HMCN1: variants seen among roughly 807,000 people sequenced by gnomAD.
HMCN1 encodes the protein hemicentin 1, also known as hemicentin-1.
Under a neutral mutation model 625.9 loss-of-function variants are expected in HMCN1, and 321 were observed. That is an observed-to-expected ratio of 0.51 (90% CI 0.47 to 0.56). The LOEUF is 0.56. HMCN1 is among the 20% of genes least tolerant of loss of function. HMCN1 has a pLI of 0.00. For synonymous variants in HMCN1, 2,425 were observed against 2,417.6 expected, an observed-to-expected ratio of 1.00 and a Z score of -0.09; for missense variants, 6,588 against 6,887.3, an observed-to-expected ratio of 0.96 and a Z score of 1.54.
intron 10 of HMCN1, among the ~76,000 whole-genome samples, chr1:185,930,564 A>G (rs1166069752): frequency 2.6e-5 from 4 of 152,196 alleles, no homozygotes; most frequent in Non-Finnish European, 5.9e-5. Flanking sequence ...ATTTTATTTT[A>G]TAAAGTCAAG....
chr1:185,825,872 TA>T (rs1309023107), intron 1 of HMCN1, among the ~76,000 whole-genome samples: 2 of 152,184 alleles, frequency 1.3e-5, no homozygotes, highest in Non-Finnish European at 2.9e-5. Flanking sequence ...ACTAGTGGTT[TA>T]AAAAAGTATT....
intron 1 of HMCN1, among the ~76,000 whole-genome samples, chr1:185,807,775 A>G (rs78199955): frequency 0.05 from 7,648 of 152,176 alleles, 595 homozygotes; most frequent in African/African-American, 0.17. Flanking sequence ...GTCTTTTATG[A>G]TAATACTTTT....
chr1:186,176,730 C>T (rs1652603837), intron 103 of HMCN1: 1 of 152,138 alleles, frequency 6.6e-6, no homozygotes, highest in African/African-American at 2.4e-5. Flanking sequence ...TAGTGATAAG[C>T]ACTTTAAGGA....
intron 55 of HMCN1, among the ~76,000 whole-genome samples, chr1:186,078,817 T>G (rs1658986606): frequency 1.3e-5 from 2 of 152,186 alleles, no homozygotes; most frequent in Admixed American, 1.3e-4. Flanking sequence ...TGTCCAACCT[T>G]GAACCAAATC....
intron 46 of HMCN1, among the ~76,000 whole-genome samples, chr1:186,061,360 T>C (rs994771603): frequency 2.4e-4 from 36 of 152,094 alleles, no homozygotes; most frequent in East Asian, 7.7e-4. Flanking sequence ...TCAGATCTTA[T>C]GGCAACTCAC....
At chr1:185,739,873 G>A (rs1035762669) in intron 1 of HMCN1, among the ~76,000 whole-genome samples, 10 of 152,076 alleles carry the variant, frequency 6.6e-5, no homozygotes, top group African/African-American at 4.8e-5. Flanking sequence ...TTTTAAATTC[G>A]GTCATTAGGG....
intron 1 of HMCN1, among the ~76,000 whole-genome samples, chr1:185,795,686 C>T (rs1003725114): frequency 1.3e-5 from 2 of 152,198 alleles, no homozygotes; most frequent in Non-Finnish European, 2.9e-5. Context: ...TTCTAACCTC[C>T]GGAATGCTAG....
intron 1 of HMCN1, among the ~76,000 whole-genome samples, chr1:185,738,432 T>A (rs4596837): frequency 0.24 from 36,556 of 152,154 alleles, 4,689 homozygotes; most frequent in Non-Finnish European, 0.29. Context: ...CATGACTGGC[T>A]TCTTTCACTT....
chr1:186,184,814 A>G (rs1653179531), intron 105 of HMCN1, among the ~76,000 whole-genome samples: 1 of 152,200 alleles, frequency 6.6e-6, no homozygotes, highest in South Asian at 2.1e-4. Flanking sequence ...TCTTGTAGCA[A>G]TATTTATGTT....
In HMCN1 at chr1:186,110,542, G is replaced by A. The variant is rs531363625; in HGVS notation, c.10989+1945G>A. 2.6e-5 allele frequency among the ~76,000 whole-genome samples: 4 copies of A among 152,334 alleles called. No homozygotes were observed. In the East Asian group the frequency reaches 7.7e-4, roughly 29 times the overall value. On this transcript the variant is annotated intron_variant, in intron 71 of 106. Transcript: ENST00000271588. Reference sequence around the variant, plus strand: ...GACCTGAGGAATGGTTCTTCAAAGAGTGATCAAAGTAGAAGGCAGGTTACA... The same window carrying A: ...GACCTGAGGAATGGTTCTTCAAAGAATGATCAAAGTAGAAGGCAGGTTACA...
intron 1 of HMCN1, among the ~76,000 whole-genome samples, chr1:185,815,159 C>G (rs531152995): frequency 6.7e-6 from 1 of 150,246 alleles, no homozygotes; most frequent in Non-Finnish European, 1.5e-5. Context: ...GTGGATCACT[C>G]AAATATACTA....
chr1:186,182,097 G>T (rs1214699082), intron 104 of HMCN1, 71 bp from the exon 105 acceptor site: 8 of 1,565,660 alleles, frequency 5.1e-6, no homozygotes, highest in Non-Finnish European at 7.0e-6. Context: ...ACAACTTGAT[G>T]AGAGTTGGCT....
chr1:186,152,945 A>G, intron 96 of HMCN1, 74 bp downstream of exon 96: 3 of 1,566,566 alleles, frequency 1.9e-6, no homozygotes, highest in Non-Finnish European at 2.6e-6. Flanking sequence ...GAATGAGCAC[A>G]GATAACTTGT....
intron 1 of HMCN1, among the ~76,000 whole-genome samples, chr1:185,804,083 C>T (rs1452384756): frequency 6.6e-6 from 1 of 151,934 alleles, no homozygotes; most frequent in African/African-American, 2.4e-5. Context: ...CTAAATCAAC[C>T]ATTACAAAGA....
chr1:186,077,422 C>T lies in HMCN1; in HGVS notation c.8486-685C>T, dbSNP rs538008981. Among the ~76,000 whole-genome samples, 2 of 151,856 alleles carry T rather than the reference C, an allele frequency of 1.3e-5. 1 individual carries two copies. The highest frequency in any genetic ancestry group is 4.2e-4 in the South Asian group (2 of 4,816). ...TTTTCTGTTTTTAATCATTGTAACA[C>T]GGTTATATAAGGGATTATCCTTGTT... On this transcript the variant is annotated intron_variant, in intron 54 of 106. Coordinates refer to ENST00000271588, the MANE Select transcript of HMCN1 (RefSeq NM_031935.3).
In HMCN1 at chr1:186,114,078, T is replaced by A. The variant is rs149594098; in HGVS notation, c.11231T>A (p.Ile3744Lys). 48 of 1,613,930 alleles carry A rather than the reference T, an allele frequency of 3.0e-5. No individual in the cohort carries two copies. The African/African-American group carries it at 5.6e-4, about 19-fold the overall frequency. The change falls in exon 73 of 107, where the codon ATA (isoleucine) becomes AAA (lysine). Residue 3744 changes from isoleucine (I) to lysine (K), a missense_variant. Ile to Lys is a moderately radical substitution (Grantham distance 102, BLOSUM62 -3). Coordinates refer to ENST00000271588, the MANE Select transcript of HMCN1 (RefSeq NM_031935.3). Reference sequence around the variant, plus strand: ...GCTGAAGGTGTGCCAACTCCAAGGATAACATGGAGAAAGGATGGAGCTGTT... The same window carrying A: ...GCTGAAGGTGTGCCAACTCCAAGGAAAACATGGAGAAAGGATGGAGCTGTT... ...CIAEGVPTPR[I>K]TWRKDGAVLA...
chr1:185,979,860 T>C (rs985611075), intron 16 of HMCN1, among the ~76,000 whole-genome samples: 1 of 152,144 alleles, frequency 6.6e-6, no homozygotes, highest in Non-Finnish European at 1.5e-5. Context: ...TTTTGGTTCA[T>C]ATATTTACAA....
At chr1:186,089,770 G>A (rs185424860) in intron 63 of HMCN1, among the ~76,000 whole-genome samples, 67 of 144,928 alleles carry the variant, frequency 4.6e-4, no homozygotes, top group African/African-American at 1.4e-3. Context: ...ACTCATTATA[G>A]GATGTCTCTT....
rs149170561 is a variant in HMCN1 at position 185,900,182 on chromosome 1, T to A, written c.622-9155T>A. Among the ~76,000 whole-genome samples the A allele has an allele frequency of 2.6e-4, 39 of 152,140 alleles. No individual in the cohort carries two copies. In the East Asian group the frequency reaches 6.9e-3, roughly 27 times the overall value. On this transcript the variant is annotated intron_variant, in intron 4 of 106. Coordinates refer to ENST00000271588, the MANE Select transcript of HMCN1 (RefSeq NM_031935.3). ...ATTTAATCCATTGCTTTCATTTACTTCCAAAATTTGGATTCTTGCTTTACT... is the reference window on the plus strand; with the variant it reads ...ATTTAATCCATTGCTTTCATTTACTACCAAAATTTGGATTCTTGCTTTACT...
Sources: gnomAD v4.1 joint callset for allele counts (sites outside exome capture counted in the v4.1 genomes callset) on GRCh38, gnomAD v4.1.1 for gene constraint, MANE v1.5 for transcripts, NCBI Gene and HGNC (gene_info 2026-07-23, HGNC 2026-07-21) for gene names.